Variants in GALNT2 observed in about 807,000 individuals in gnomAD.
GALNT2 encodes UDP-GalNAc:polypeptide N-acetylgalactosaminyltransferase 2.
A neutral mutation model predicts 81.4 loss-of-function variants in GALNT2; 31 were observed. The observed-to-expected ratio is 0.38, with a 90% CI of 0.29 to 0.51. The LOEUF (loss-of-function observed/expected upper bound fraction) is 0.51. GALNT2 is among the 20% of genes least tolerant of loss of function. The pLI is 0.87. For synonymous variants in GALNT2, 303 were observed against 287.4 expected (o/e 1.05, Z -0.55); for missense variants, 629 against 765.7 (o/e 0.82, Z 2.11).
chr1:230,164,828 C>A (rs1662551239), intron 1 of GALNT2, among the ~76,000 whole-genome samples: 1 of 152,158 alleles, frequency 6.6e-6, no homozygotes, highest in African/African-American at 2.4e-5. Context: ...GCACGCCTGG[C>A]CTCTCAGCCC....
At chr1:230,162,752 T>C (rs59000514) in intron 1 of GALNT2, among the ~76,000 whole-genome samples, 1 of 152,206 alleles carries the variant, frequency 6.6e-6, no homozygotes, top group African/African-American at 2.4e-5. Context: ...GAGAGGGTCT[T>C]GCCCCAACCC....
At chr1:230,111,679 G>GTTAA (rs1660708877) in intron 1 of GALNT2, among the ~76,000 whole-genome samples, 1 of 152,184 alleles carries the variant, frequency 6.6e-6, no homozygotes, top group South Asian at 2.1e-4. Flanking sequence ...AGCTTGTTGC[G>GTTAA]TTAAATTAAT....
chr1:230,214,115 CTTTT>C (rs60360198), intron 3 of GALNT2, among the ~76,000 whole-genome samples: 1 of 145,222 alleles, frequency 6.9e-6, no homozygotes, highest in East Asian at 2.0e-4. Flanking sequence ...CTTAACTTTA[CTTTT>C]TTTTTTTTTT....
At chr1:230,067,479 TC>T (rs1214887804) in intron 1 of GALNT2, 73 bp downstream of exon 1, 2 of 443,776 alleles carry the variant, frequency 4.5e-6, no homozygotes, top group East Asian at 1.5e-4. Flanking sequence ...CCCTGCCCTC[TC>T]CGCGCCGCCC....
chr1:230,084,479 C>G (rs548832598), intron 1 of GALNT2, among the ~76,000 whole-genome samples: 7 of 152,090 alleles, frequency 4.6e-5, no homozygotes, highest in Non-Finnish European at 1.0e-4. Flanking sequence ...GACGTGAGGT[C>G]AGAGAGACAG....
chr1:230,131,187 G>A (rs946704193), intron 1 of GALNT2, among the ~76,000 whole-genome samples: 2 of 151,734 alleles, frequency 1.3e-5, no homozygotes, highest in Admixed American at 6.6e-5. Flanking sequence ...TAGAAACCTG[G>A]ACCCCCACCA....
At chr1:230,100,988 A>G (rs1194187121) in intron 1 of GALNT2, among the ~76,000 whole-genome samples, 1 of 152,224 alleles carries the variant, frequency 6.6e-6, no homozygotes, top group Non-Finnish European at 1.5e-5. Context: ...TATTTTAGAT[A>G]ACAAATACCA....
At chr1:230,178,146 T>G in intron 1 of GALNT2, 72 bp from the exon 2 acceptor site, 3 of 1,183,206 alleles carry the variant, frequency 2.5e-6, no homozygotes, top group Non-Finnish European at 3.7e-6. Context: ...TAAGACTCGG[T>G]ATGTATTGAA....
intron 1 of GALNT2, among the ~76,000 whole-genome samples, chr1:230,090,857 G>A (rs1660050139): frequency 6.6e-6 from 1 of 152,126 alleles, no homozygotes; most frequent in African/African-American, 2.4e-5. Flanking sequence ...ATGATCATGG[G>A]TCTAAGGCAT....
intron 1 of GALNT2, among the ~76,000 whole-genome samples, chr1:230,120,188 G>A (rs146526959): frequency 9.3e-4 from 142 of 152,252 alleles, no homozygotes; most frequent in African/African-American, 3.2e-3. Flanking sequence ...AGTGGGCGGT[G>A]TTAAAGGCTA....
intron 2 of GALNT2, among the ~76,000 whole-genome samples, chr1:230,179,865 A>G (rs572786912): frequency 1.5e-4 from 23 of 152,298 alleles, no homozygotes; most frequent in African/African-American, 5.1e-4. Context: ...CACCATGACA[A>G]AAAGGTCACC....
At chr1:230,276,296 G>A (rs1334618188) in intron 15 of GALNT2, among the ~76,000 whole-genome samples, 1 of 152,068 alleles carries the variant, frequency 6.6e-6, no homozygotes, top group African/African-American at 2.4e-5. Context: ...TCAAGGCATG[G>A]GGTAACAGTT....
At chr1:230,205,992 T>C (rs1329655319) in intron 3 of GALNT2, among the ~76,000 whole-genome samples, 1 of 152,202 alleles carries the variant, frequency 6.6e-6, no homozygotes, top group Non-Finnish European at 1.5e-5. Context: ...GGGCTTGGCC[T>C]AAACTCAGGG....
At chr1:230,134,261 A>C (rs2102816500) in intron 1 of GALNT2, among the ~76,000 whole-genome samples, 1 of 152,200 alleles carries the variant, frequency 6.6e-6, no homozygotes, top group South Asian at 2.1e-4. Flanking sequence ...GGCTCATGCC[A>C]CCATGCCCAG....
intron 2 of GALNT2, among the ~76,000 whole-genome samples, chr1:230,197,947 TTTGCGGTGGAACACA>T (rs1171391453): frequency 1.4e-4 from 22 of 152,228 alleles, no homozygotes; most frequent in African/African-American, 5.3e-4. Flanking sequence ...GCTGACAGGC[TTTGCGGTGGAACACA>T]TTTAAAAAAT....
intron 1 of GALNT2, among the ~76,000 whole-genome samples, chr1:230,170,909 A>G (rs1662772765): frequency 6.6e-6 from 1 of 152,156 alleles, no homozygotes. Context: ...CACCTCCAAC[A>G]TTGGGGATCA....
chr1:230,090,262 G>A (rs1448430736), intron 1 of GALNT2, among the ~76,000 whole-genome samples: 2 of 152,158 alleles, frequency 1.3e-5, no homozygotes, highest in East Asian at 1.9e-4. Flanking sequence ...GAAATGCTGG[G>A]AACTTTCTGT....
In GALNT2 at chr1:230,244,874, TCCTTC is replaced by T. The variant is rs879693872; in HGVS notation, c.730-1188_730-1184del. On this transcript the variant is annotated intron_variant, in intron 7 of 15. Transcript: ENST00000366672. The stretch of plus-strand genomic sequence containing the variant: ...GTTTGCGTGTTCCTAATTAGCATGT[TCCTTC>T]ACCTGTTCCTCTGATGTAGTATGTT... Among the ~76,000 whole-genome samples the T allele has an allele frequency of 9.2e-3, 1,408 of 152,320 alleles. 5 individuals carry two copies. The highest frequency in any genetic ancestry group is 0.037 in the Middle Eastern group (11 of 294).
intron 1 of GALNT2, among the ~76,000 whole-genome samples, chr1:230,149,295 T>A (rs1206543833): frequency 2.0e-5 from 3 of 152,272 alleles, no homozygotes; most frequent in East Asian, 1.9e-4. Context: ...GGGAGGACAT[T>A]GCGAGGCCAC....
Sources: allele counts gnomAD v4.1 joint callset (sites outside exome capture counted in the v4.1 genomes callset), GRCh38; gene constraint gnomAD v4.1.1; transcripts MANE v1.5; gene names NCBI Gene and HGNC (gene_info 2026-07-23, HGNC 2026-07-21).